Variants in TTC27 observed in about 807,000 individuals in gnomAD.
TTC27 encodes tetratricopeptide repeat protein 27.
TTC27 carries 79 observed loss-of-function variants against 115.9 expected under a neutral mutation model. The ratio of observed to expected loss-of-function variants is 0.68; its 90% CI spans 0.57 to 0.82. TTC27 has a LOEUF of 0.82. Ranked by LOEUF, TTC27 falls within the 40% of genes least tolerant of loss-of-function variation. The pLI is 0.00. For synonymous variants in TTC27, 401 were observed against 356.0 expected (o/e 1.13, Z -1.42); for missense variants, 1,054 against 993.1 (o/e 1.06, Z -0.82).
chr2:32,714,243 C>T (rs1572541305), intron 10 of TTC27, among the ~76,000 whole-genome samples: 1 of 150,374 alleles, frequency 6.7e-6, no homozygotes, highest in South Asian at 2.1e-4. Context: ...ACTGAAAGCT[C>T]CACCTCCCGG....
chr2:32,797,756 A>G (rs1670760534), intron 16 of TTC27, among the ~76,000 whole-genome samples: 3 of 152,248 alleles, frequency 2.0e-5, no homozygotes, highest in African/African-American at 7.2e-5. Context: ...GAAAAAACAG[A>G]CAAATTGGAC....
chr2:32,739,352 A>C (rs764209723), intron 12 of TTC27, among the ~76,000 whole-genome samples: 5 of 152,010 alleles, frequency 3.3e-5, no homozygotes, highest in Non-Finnish European at 7.4e-5. Context: ...TTAGAATATT[A>C]ATTTAATTAT....
chr2:32,762,504 T>C (rs906642650), intron 13 of TTC27, among the ~76,000 whole-genome samples: 2 of 152,180 alleles, frequency 1.3e-5, no homozygotes, highest in Non-Finnish European at 2.9e-5. Flanking sequence ...TGGAGCTTTG[T>C]TTTAAATGAA....
At chr2:32,780,008 A>G (rs1464060909) in intron 14 of TTC27, 1 of 422,726 alleles carries the variant, frequency 2.4e-6, no homozygotes, top group African/African-American at 2.0e-5. Context: ...TTTATGGTCC[A>G]TCAATCACAT....
rs757988331 is a variant in TTC27, at chr2:32,628,397, C to T, written c.88+17C>T. 1.9e-6 allele frequency: 3 copies of T among 1,569,508 alleles called. No individual in the cohort carries two copies. The highest frequency in any genetic ancestry group is 2.3e-5 in the East Asian group (1 of 43,202). ...TCGGTTCAGGTGAGAGGCGCACCTA[C>T]CGGGCCTTAGGCTATCGTGGGAACT... is the stretch of plus-strand genomic sequence containing the variant. On this transcript the variant is annotated intron_variant, in intron 1 of 19. Transcript: ENST00000317907.
intron 13 of TTC27, among the ~76,000 whole-genome samples, chr2:32,767,451 T>G (rs1669670118): frequency 1.4e-5 from 1 of 72,038 alleles, no homozygotes; most frequent in South Asian, 7.5e-4. Context: ...AAGTTTTTTT[T>G]TGTTTTTTTT....
At chr2:32,793,624 G>A (rs1235053380) in intron 16 of TTC27, among the ~76,000 whole-genome samples, 1 of 152,166 alleles carries the variant, frequency 6.6e-6, no homozygotes, top group Non-Finnish European at 1.5e-5. Flanking sequence ...CTGGGTTCAA[G>A]TGATTCTCCT....
At position 32,733,906 on chromosome 2, in the gene TTC27, C is replaced by T. The variant is rs1399070516; in HGVS notation, c.1312C>T (p.Pro438Ser). The change falls in exon 11 of 20, where the codon CCT (proline) becomes TCT (serine). Residue 438 changes from proline to serine, a missense_variant. Physicochemically the swap from Pro to Ser is moderately conservative, Grantham distance 74. Coordinates refer to ENST00000317907, the MANE Select transcript of TTC27 (RefSeq NM_017735.5). ...LKIFYCCQVP[P>S]HWAIQRQLAS... ...GATTTTCTATTGCTGTCAAGTACCA[C>T]CTCACTGGGCCATTCAGGTATTTCT... 4 of 1,610,422 alleles carry T rather than the reference C, an allele frequency of 2.5e-6. No homozygotes were observed. The highest frequency in any genetic ancestry group is 3.4e-6 in the Non-Finnish European group (4 of 1,177,974).
At chr2:32,652,685 G>C (rs938297346) in intron 5 of TTC27, among the ~76,000 whole-genome samples, 1 of 152,094 alleles carries the variant, frequency 6.6e-6, no homozygotes, top group Non-Finnish European at 1.5e-5. Context: ...AAATAGATTC[G>C]TAGATAGTGC....
In TTC27 at chr2:32,710,444, T is replaced by TC. The variant is rs1559216838; in HGVS notation, c.1233+7525dup. The stretch of plus-strand genomic sequence containing the variant: ...GTATATAGCTTTTTTTTTTTTTTTT[T>TC]CTGAGATGGAGTCTTGCTCTGTTAC... On this transcript the variant is annotated intron_variant, in intron 10 of 19. Coordinates refer to ENST00000317907, the MANE Select transcript of TTC27 (RefSeq NM_017735.5). Among the ~76,000 whole-genome samples, 3 of 151,086 alleles carry TC rather than the reference T, an allele frequency of 2.0e-5. 1 individual carries two copies. Among genetic ancestry groups the TC allele is most frequent in the East Asian group, 1.9e-4 (1 of 5,142 alleles).
intron 3 of TTC27, among the ~76,000 whole-genome samples, chr2:32,640,063 G>A (rs1295257833): frequency 6.6e-6 from 1 of 152,120 alleles, no homozygotes; most frequent in Non-Finnish European, 1.5e-5. Flanking sequence ...GATCAGATGG[G>A]TGGCCATCCA....
chr2:32,735,632 T>C (rs910683252), intron 11 of TTC27, among the ~76,000 whole-genome samples: 2 of 149,988 alleles, frequency 1.3e-5, no homozygotes, highest in Non-Finnish European at 3.0e-5. Context: ...CAGAACAGTT[T>C]ATTATAAAAA....
At chr2:32,635,614 G>T (rs1419840863) in intron 3 of TTC27, among the ~76,000 whole-genome samples, 2 of 152,120 alleles carry the variant, frequency 1.3e-5, no homozygotes, top group Admixed American at 6.6e-5. Flanking sequence ...AACCCGGGAG[G>T]CGGAGGTTGC....
chr2:32,634,239 A>G (rs1196602056), intron 3 of TTC27, among the ~76,000 whole-genome samples: 4 of 152,086 alleles, frequency 2.6e-5, no homozygotes, highest in Non-Finnish European at 4.4e-5. Flanking sequence ...GTGTTTTTTA[A>G]TGAAAGTACA....
intron 7 of TTC27, among the ~76,000 whole-genome samples, chr2:32,670,638 A>G (rs1665979219): frequency 6.6e-6 from 1 of 151,756 alleles, no homozygotes; most frequent in Non-Finnish European, 1.5e-5. Context: ...TTATTTTTGA[A>G]ATGGAATCTC....
chr2:32,708,678 T>TTTG (rs4019331), intron 10 of TTC27, among the ~76,000 whole-genome samples: 48,980 of 150,596 alleles, frequency 0.33, 8,702 homozygotes, highest in Middle Eastern at 0.49. Context: ...CCCACCTTAC[T>TTTG]TTGTTGTTGT....
At chr2:32,810,199 A>C (rs1014119006) in intron 16 of TTC27, among the ~76,000 whole-genome samples, 2 of 152,146 alleles carry the variant, frequency 1.3e-5, no homozygotes, top group African/African-American at 4.8e-5. Context: ...GCCTAATGCA[A>C]ATGCATTAAC....
At chr2:32,768,771 G>A (rs1440108551) in intron 13 of TTC27, among the ~76,000 whole-genome samples, 2 of 152,208 alleles carry the variant, frequency 1.3e-5, no homozygotes, top group Non-Finnish European at 2.9e-5. Flanking sequence ...CCTCATTACA[G>A]AGGAAATTTT....
At chr2:32,806,171 A>C (rs1671123106) in intron 16 of TTC27, among the ~76,000 whole-genome samples, 1 of 152,210 alleles carries the variant, frequency 6.6e-6, no homozygotes, top group African/African-American at 2.4e-5. Flanking sequence ...TGTTGCTGAT[A>C]GGTTAATTAC....
Sources: allele counts gnomAD v4.1 joint callset (sites outside exome capture counted in the v4.1 genomes callset), GRCh38; gene constraint gnomAD v4.1.1; transcripts MANE v1.5; gene names NCBI Gene and HGNC (gene_info 2026-07-23, HGNC 2026-07-21).